The following LRRC69 variants were observed in gnomAD, a reference collection of about 807,000 sequenced individuals.
The protein encoded by LRRC69 is leucine-rich repeat-containing protein 69.
Under a neutral mutation model 37.8 loss-of-function variants are expected in LRRC69, and 42 were observed. The observed-to-expected ratio is 1.11, with a 90% CI of 0.87 to 1.44. The LOEUF is 1.44. LRRC69 is among the 40% of genes most tolerant of loss of function. The pLI is 0.00. For synonymous variants in LRRC69, 141 were observed against 143.1 expected, an observed-to-expected ratio of 0.99 and a Z score of 0.11; for missense variants, 357 against 401.9, an observed-to-expected ratio of 0.89 and a Z score of 0.96.
intron 1 of LRRC69, among the ~76,000 whole-genome samples, chr8:91,114,795 G>T (rs1374714178): frequency 1.3e-5 from 2 of 151,926 alleles, no homozygotes; most frequent in African/African-American, 4.8e-5. Context: ...ATTGCCTAAC[G>T]ATGCATTTCT....
At chr8:91,149,759 A>C (rs1225234215) in intron 5 of LRRC69, among the ~76,000 whole-genome samples, 56 of 151,488 alleles carry the variant, frequency 3.7e-4, no homozygotes, top group Non-Finnish European at 6.9e-4. Context: ...CTTTTACTTC[A>C]TTGAGCAGTG....
chr8:91,157,189 C>A, intron 5 of LRRC69: 1 of 865,014 alleles, frequency 1.2e-6, no homozygotes, highest in Non-Finnish European at 1.9e-6. Flanking sequence ...TGCTTCGAAT[C>A]TGTAGATTGC....
At chr8:91,168,733 T>C (rs1157823791) in intron 5 of LRRC69, among the ~76,000 whole-genome samples, 1 of 78,878 alleles carries the variant, frequency 1.3e-5, no homozygotes. Flanking sequence ...TTTTGTGTTT[T>C]GTGTTTTTTT....
intron 1 of LRRC69, among the ~76,000 whole-genome samples, chr8:91,117,657 T>A (rs1297641030): frequency 6.6e-6 from 1 of 151,034 alleles, no homozygotes; most frequent in Non-Finnish European, 1.5e-5. Flanking sequence ...ATGTGGGATA[T>A]CTGCTTGACA....
intron 7 of LRRC69, among the ~76,000 whole-genome samples, chr8:91,216,022 AG>A (rs2130654761): frequency 6.6e-6 from 1 of 152,324 alleles, no homozygotes; most frequent in South Asian, 2.1e-4. Flanking sequence ...TGTAATACCA[AG>A]AAATTATGCT....
chr8:91,183,355 T>C (rs1007397136), intron 5 of LRRC69, among the ~76,000 whole-genome samples: 2 of 152,088 alleles, frequency 1.3e-5, no homozygotes, highest in African/African-American at 4.8e-5. Flanking sequence ...CGGTCTAAGG[T>C]AGTGGCAGGA....
chr8:91,151,554 T>G (rs1304675163), intron 5 of LRRC69, among the ~76,000 whole-genome samples: 1 of 151,604 alleles, frequency 6.6e-6, no homozygotes, highest in South Asian at 2.1e-4. Flanking sequence ...TGATGGGCAT[T>G]TGGGTTTGTT....
chr8:91,197,997 T>C (rs926302184), intron 6 of LRRC69, among the ~76,000 whole-genome samples: 2 of 152,194 alleles, frequency 1.3e-5, no homozygotes, highest in Non-Finnish European at 2.9e-5. Context: ...TTAAATTGAT[T>C]TGTACTTAAA....
intron 1 of LRRC69, among the ~76,000 whole-genome samples, chr8:91,109,846 A>G (rs1813380588): frequency 6.6e-6 from 1 of 152,102 alleles, no homozygotes; most frequent in Non-Finnish European, 1.5e-5. Flanking sequence ...AAAATTAAAT[A>G]GTAGCTTTGA....
chr8:91,103,106 C>CA (rs1475469981), intron 1 of LRRC69, among the ~76,000 whole-genome samples: 1 of 152,082 alleles, frequency 6.6e-6, no homozygotes, highest in East Asian at 1.9e-4. Context: ...CTGCCACACT[C>CA]ATCTTTTTAG....
intron 5 of LRRC69, among the ~76,000 whole-genome samples, chr8:91,160,559 GTTC>G (rs1423076986): frequency 6.6e-6 from 1 of 151,030 alleles, no homozygotes; most frequent in East Asian, 2.0e-4. Context: ...GTGATAGTGA[GTTC>G]TTATGAGATC....
intron 5 of LRRC69, among the ~76,000 whole-genome samples, chr8:91,139,854 C>G (rs1288853892): frequency 6.6e-6 from 1 of 151,398 alleles, no homozygotes; most frequent in Non-Finnish European, 1.5e-5. Flanking sequence ...TTTGAGAGGC[C>G]GAAGTGGGCG....
chr8:91,158,921 A>C (rs1808887039), intron 5 of LRRC69, among the ~76,000 whole-genome samples: 1 of 151,270 alleles, frequency 6.6e-6, no homozygotes, highest in African/African-American at 2.4e-5. Context: ...AATTTTTTGC[A>C]AATGGAAACA....
chr8:91,199,503 T>A (rs1294420488), intron 6 of LRRC69, among the ~76,000 whole-genome samples: 1 of 152,174 alleles, frequency 6.6e-6, no homozygotes, highest in Non-Finnish European at 1.5e-5. Context: ...TTTAAGTTTT[T>A]AAATAATTTA....
intron 5 of LRRC69, among the ~76,000 whole-genome samples, chr8:91,168,218 A>G (rs1156381176): frequency 6.6e-6 from 1 of 151,900 alleles, no homozygotes; most frequent in Non-Finnish European, 1.5e-5. Context: ...ACGACATTGT[A>G]AGAATGATTC....
At chr8:91,135,800 G>A in intron 5 of LRRC69, 61 bp downstream of exon 5, 3 of 831,728 alleles carry the variant, frequency 3.6e-6, no homozygotes, top group South Asian at 4.9e-5. Context: ...ATTGGGAATA[G>A]AAAAAATATG....
At chr8:91,106,720 C>T (rs543681004) in intron 1 of LRRC69, among the ~76,000 whole-genome samples, 15 of 151,966 alleles carry the variant, frequency 9.9e-5, no homozygotes, top group African/African-American at 3.4e-4. Context: ...ATTTATAGTT[C>T]TTAAAAACTG....
chr8:91,136,148 T>TTC (rs1400245151), intron 5 of LRRC69, among the ~76,000 whole-genome samples: 1 of 152,020 alleles, frequency 6.6e-6, no homozygotes, highest in African/African-American at 2.4e-5. Flanking sequence ...ATGCACTTTT[T>TTC]TCTCATTTGA....
At chr8:91,143,325 C>T (rs1355975708) in intron 5 of LRRC69, among the ~76,000 whole-genome samples, 1 of 152,092 alleles carries the variant, frequency 6.6e-6, no homozygotes, top group Non-Finnish European at 1.5e-5. Context: ...GTAGCTAAAA[C>T]ATTTACAAGG....
Sources: allele counts gnomAD v4.1 joint callset (sites outside exome capture counted in the v4.1 genomes callset), GRCh38; gene constraint gnomAD v4.1.1; transcripts MANE v1.5; gene names NCBI Gene and HGNC (gene_info 2026-07-23, HGNC 2026-07-21).